LINGO2: variants seen among roughly 807,000 people sequenced by gnomAD.
LINGO2 encodes leucine-rich repeat and immunoglobulin-like domain-containing nogo receptor-interacting protein 2.
A neutral mutation model predicts 30.6 loss-of-function variants in LINGO2; 14 were observed. The observed-to-expected ratio is 0.46, with a 90% confidence interval of 0.30 to 0.72. The LOEUF (loss-of-function observed/expected upper bound fraction) is 0.72, where lower values mean the gene tolerates loss of function less well. Among genes scored for constraint, LINGO2 ranks in the 30% least tolerant of loss-of-function variants. The probability of loss-of-function intolerance (pLI) is 0.07; values close to 1 mark genes in which losing one functional copy is unlikely to be tolerated. For missense variants in LINGO2, 729 were observed against 751.7 expected, an observed-to-expected ratio of 0.97 and a Z score of 0.35; for synonymous variants, 317 against 288.5, an observed-to-expected ratio of 1.10 and a Z score of -1.00.
intron 4 of LINGO2, among the ~76,000 whole-genome samples, chr9:28,109,706 T>G (rs1051276381): frequency 2.0e-5 from 3 of 151,704 alleles, no homozygotes; most frequent in African/African-American, 7.3e-5. Context: ...AAGGATCTCT[T>G]CAAGAACTAC....
intron 1 of LINGO2, among the ~76,000 whole-genome samples, chr9:28,594,699 A>G (rs1825089338): frequency 1.3e-5 from 2 of 152,140 alleles, no homozygotes; most frequent in African/African-American, 4.8e-5. Context: ...GCTTTAGAAG[A>G]GAGATCGCAA....
intron 4 of LINGO2, among the ~76,000 whole-genome samples, chr9:28,044,547 G>C (rs546813901): frequency 2.0e-4 from 31 of 152,218 alleles, no homozygotes; most frequent in Admixed American, 5.2e-4. Flanking sequence ...TTTCTCATAT[G>C]AAGAGATAGG....
At chr9:29,212,060 A>C in the LINGO2 span, among the ~76,000 whole-genome samples, 1 of 152,120 alleles carries the variant, frequency 6.6e-6, no homozygotes, top group Non-Finnish European at 1.5e-5. Flanking sequence ...CAAGAGGCGA[A>C]AGGAGAGTGG....
intron 4 of LINGO2, among the ~76,000 whole-genome samples, chr9:28,169,347 G>T (rs2133644549): frequency 6.6e-6 from 1 of 152,142 alleles, no homozygotes; most frequent in African/African-American, 2.4e-5. Context: ...AATTTTTATA[G>T]GATAATATTC....
chr9:28,780,838 G>T, the LINGO2 span, among the ~76,000 whole-genome samples: 14 of 79,298 alleles, frequency 1.8e-4, no homozygotes, highest in African/African-American at 7.1e-4. Context: ...TAATGTGTGT[G>T]TGTGTGTGTG....
intron 4 of LINGO2, among the ~76,000 whole-genome samples, chr9:28,106,084 A>G (rs141852016): frequency 6.6e-6 from 1 of 152,134 alleles, no homozygotes; most frequent in African/African-American, 2.4e-5. Context: ...TGTGAGGGAT[A>G]TAGGTTACAT....
At chr9:28,092,798 G>A (rs1243779232) in intron 4 of LINGO2, among the ~76,000 whole-genome samples, 1 of 151,972 alleles carries the variant, frequency 6.6e-6, no homozygotes, top group Non-Finnish European at 1.5e-5. Flanking sequence ...TTACTTGTAT[G>A]ATCAATAATA....
intron 2 of LINGO2, among the ~76,000 whole-genome samples, chr9:28,420,261 C>T (rs1823136989): frequency 6.6e-6 from 1 of 152,066 alleles, no homozygotes; most frequent in Admixed American, 6.6e-5. Context: ...CTCCTTCAGG[C>T]ATAAGCACTA....
intron 1 of LINGO2, among the ~76,000 whole-genome samples, chr9:28,513,100 CA>C (rs1820479768): frequency 6.7e-6 from 1 of 148,884 alleles, no homozygotes; most frequent in African/African-American, 2.5e-5. Flanking sequence ...CACACACACA[CA>C]CACACACACA....
chr9:28,174,321 C>A (rs1828683122), intron 4 of LINGO2, among the ~76,000 whole-genome samples: 1 of 152,206 alleles, frequency 6.6e-6, no homozygotes, highest in African/African-American at 2.4e-5. Flanking sequence ...GGAATCAAAG[C>A]ATACTGGGTC....
chr9:28,907,562 G>C, the LINGO2 span, among the ~76,000 whole-genome samples: 1 of 151,756 alleles, frequency 6.6e-6, no homozygotes, highest in Non-Finnish European at 1.5e-5. Context: ...GTTATTGTGA[G>C]ATGATGAAAA....
chr9:28,275,449 C>A (rs564509430), intron 4 of LINGO2, among the ~76,000 whole-genome samples: 1 of 152,102 alleles, frequency 6.6e-6, no homozygotes, highest in Non-Finnish European at 1.5e-5. Context: ...ATCCCAGCCT[C>A]ATCAGTCTTC....
chr9:29,158,193 AC>A, the LINGO2 span, among the ~76,000 whole-genome samples: 2,335 of 117,160 alleles, frequency 0.02, 75 homozygotes, highest in African/African-American at 0.056. Flanking sequence ...GTAAAAAAAA[AC>A]AAAAAAAAAA....
intron 3 of LINGO2, among the ~76,000 whole-genome samples, chr9:28,313,615 G>C (rs1188129527): frequency 1.3e-5 from 2 of 152,124 alleles, no homozygotes; most frequent in African/African-American, 4.8e-5. Context: ...TTGTTAGGCA[G>C]AGAGGCTGGA....
At chr9:28,705,977 T>C in the LINGO2 span, among the ~76,000 whole-genome samples, 1 of 152,026 alleles carries the variant, frequency 6.6e-6, no homozygotes, top group Non-Finnish European at 1.5e-5. Flanking sequence ...TAGGATAGAG[T>C]AACAACTTCC....
intron 5 of LINGO2, among the ~76,000 whole-genome samples, chr9:27,961,732 A>C (rs1475778757): frequency 6.6e-6 from 1 of 152,216 alleles, no homozygotes; most frequent in Non-Finnish European, 1.5e-5. Context: ...ATCACTCAGG[A>C]GGCTGTTAAT....
intron 4 of LINGO2, among the ~76,000 whole-genome samples, chr9:28,037,164 A>G (rs1930019): frequency 0.023 from 3,454 of 152,292 alleles, 91 homozygotes; most frequent in African/African-American, 0.05. Context: ...AAATAACCAC[A>G]TAATCACAAC....
chr9:28,071,957 T>G (rs75077811), intron 4 of LINGO2, among the ~76,000 whole-genome samples: 23,794 of 152,138 alleles, frequency 0.16, 2,512 homozygotes, highest in Non-Finnish European at 0.21. Flanking sequence ...TATTATACAC[T>G]ATATAAGTCT....
chr9:28,794,916 C>T, the LINGO2 span, among the ~76,000 whole-genome samples: 2 of 151,390 alleles, frequency 1.3e-5, no homozygotes, highest in South Asian at 2.1e-4. Flanking sequence ...CTGCAACCTG[C>T]GCCTCCCAGG....
Sources: allele counts gnomAD v4.1 joint callset (sites outside exome capture counted in the v4.1 genomes callset), GRCh38; gene constraint gnomAD v4.1.1; transcripts MANE v1.5; gene names NCBI Gene and HGNC (gene_info 2026-07-23, HGNC 2026-07-21).